Variants in RASGRF2 observed in about 807,000 individuals in gnomAD.
RASGRF2 encodes the protein ras-specific guanine nucleotide-releasing factor 2.
RASGRF2 carries 76 observed loss-of-function variants against 151.0 expected under a neutral mutation model. The ratio of observed to expected loss-of-function variants is 0.50; its 90% CI spans 0.42 to 0.61. The LOEUF (loss-of-function observed/expected upper bound fraction) is 0.61. Ranked by LOEUF, RASGRF2 falls within the 20% of genes least tolerant of loss-of-function variation. The probability of loss-of-function intolerance (pLI) is 0.00; values close to 1 mark genes in which losing one functional copy is unlikely to be tolerated. For synonymous variants in RASGRF2, 504 were observed against 566.5 expected, an observed-to-expected ratio of 0.89 and a Z score of 1.57; for missense variants, 1,148 against 1,564.6, an observed-to-expected ratio of 0.73 and a Z score of 4.49.
At chr5:80,961,147 C>T (rs899960375) in intron 1 of RASGRF2, 121 bp downstream of exon 1, 24 of 1,153,954 alleles carry the variant, frequency 2.1e-5, no homozygotes, top group African/African-American at 7.8e-5. Context: ...TCCGAAATCC[C>T]CCCGCGTCAC....
chr5:81,201,388 T>C lies in RASGRF2; in HGVS notation c.2852T>C (p.Leu951Ser). Residue 951 changes from leucine (L) to serine (S), a missense_variant, in exon 19 of 27, where the codon TTG becomes TCG. Leu to Ser is a moderately radical substitution (Grantham distance 145, BLOSUM62 -2). Coordinates refer to ENST00000265080, the MANE Select transcript of RASGRF2 (RefSeq NM_006909.3). Reference sequence around the variant, plus strand: ...GTCCTAAATTTGCTAGAAGAAGTTTTGCGAGACCCAGACCTTCTTCCCCAA... The same window carrying C: ...GTCCTAAATTTGCTAGAAGAAGTTTCGCGAGACCCAGACCTTCTTCCCCAA... Reference protein sequence around the residue: ...MNVLNLLEEVLRDPDLLPQER... With the variant: ...MNVLNLLEEVSRDPDLLPQER... 6.2e-7 allele frequency: 1 copy of C among 1,614,050 alleles called. No individual in the cohort carries two copies. The highest frequency in any genetic ancestry group is 8.5e-7 in the Non-Finnish European group (1 of 1,179,992).
chr5:81,086,803 C>G (rs1341682361), intron 8 of RASGRF2, 32 bp from the exon 9 acceptor site: 1 of 1,549,412 alleles, frequency 6.5e-7, no homozygotes, highest in African/African-American at 1.4e-5. Context: ...GAAAATCTCT[C>G]TTACTGTGAT....
Position 81,166,977 on chromosome 5 carries a change from T to A in RASGRF2, c.2687-13198T>A, listed in dbSNP as rs989189096. Among the ~76,000 whole-genome samples the A allele has an allele frequency of 6.6e-5, 10 of 152,262 alleles. No individual in the cohort carries two copies. The South Asian group carries it at 8.3e-4, about 13-fold the overall frequency. On this transcript the variant is annotated intron_variant, in intron 17 of 26. Coordinates refer to ENST00000265080, the MANE Select transcript of RASGRF2 (RefSeq NM_006909.3). Reference sequence around the variant, plus strand: ...AGAGAGCTTTTGAAAGAAGGGAAATTAGGGTGTCTCCTGATCCCCCTCATG... The same window carrying A: ...AGAGAGCTTTTGAAAGAAGGGAAATAAGGGTGTCTCCTGATCCCCCTCATG...
intron 1 of RASGRF2, among the ~76,000 whole-genome samples, chr5:81,021,149 G>C (rs1170154654): frequency 1.3e-5 from 2 of 152,182 alleles, no homozygotes; most frequent in Non-Finnish European, 2.9e-5. Context: ...AGTTTGTGAA[G>C]GGCGCTTGCA....
intron 1 of RASGRF2, among the ~76,000 whole-genome samples, chr5:81,006,169 A>G (rs1749263204): frequency 6.6e-6 from 1 of 152,146 alleles, no homozygotes; most frequent in Non-Finnish European, 1.5e-5. Context: ...AACCTTACTC[A>G]AATTTGTATT....
At chr5:81,048,265 T>G (rs150526205) in intron 2 of RASGRF2, among the ~76,000 whole-genome samples, 227 of 152,306 alleles carry the variant, frequency 1.5e-3, no homozygotes, top group African/African-American at 5.3e-3. Flanking sequence ...AAAATGTGGA[T>G]TTTGTTCATT....
chr5:81,068,377 T>C (rs968161047), intron 3 of RASGRF2, among the ~76,000 whole-genome samples, 198 bp downstream of exon 3: 5 of 141,584 alleles, frequency 3.5e-5, no homozygotes, highest in African/African-American at 1.0e-4. Flanking sequence ...CAGGAACATA[T>C]CAGGATAATG....
At chr5:81,223,978 T>C (rs1184297253) in intron 26 of RASGRF2, among the ~76,000 whole-genome samples, 1 of 152,240 alleles carries the variant, frequency 6.6e-6, no homozygotes, top group Non-Finnish European at 1.5e-5. Context: ...AAAGCCAAGC[T>C]TGATAAAGTT....
rs551341880 is a variant in RASGRF2 at position 81,162,158 on chromosome 5, G to T, written c.2687-18017G>T. Among the ~76,000 whole-genome samples the T allele has an allele frequency of 2.8e-3, 418 of 148,756 alleles. 4 individuals carry two copies. Among genetic ancestry groups the T allele is most frequent in the African/African-American group, 8.8e-3 (353 of 40,144 alleles). On this transcript the variant is annotated intron_variant, in intron 17 of 26. Coordinates refer to ENST00000265080, the MANE Select transcript of RASGRF2 (RefSeq NM_006909.3). ...GAAGCCTCTGCACAAATTCTCCTTT[G>T]CTCTGCTGGAATTTCTTTTTCTTTT...
chr5:81,186,075 T>C (rs1022446704), intron 18 of RASGRF2, among the ~76,000 whole-genome samples: 8 of 152,234 alleles, frequency 5.3e-5, no homozygotes, highest in Non-Finnish European at 4.4e-5. Flanking sequence ...TCAGCTGTTA[T>C]ATTTCTAACT....
chr5:81,225,094 T>G (rs976889925), intron 26 of RASGRF2, among the ~76,000 whole-genome samples: 2 of 152,226 alleles, frequency 1.3e-5, no homozygotes, highest in African/African-American at 4.8e-5. Flanking sequence ...TTCCTTTCCT[T>G]TCACTTCTGA....
At chr5:81,131,100 T>G (rs1252705410) in intron 17 of RASGRF2, among the ~76,000 whole-genome samples, 1 of 152,234 alleles carries the variant, frequency 6.6e-6, no homozygotes, top group East Asian at 1.9e-4. Context: ...ATTTGTATAT[T>G]AAACCATGTC....
In RASGRF2 at chr5:80,976,401, A is replaced by T. The variant is rs151116600; in HGVS notation, c.288+15375A>T. Among the ~76,000 whole-genome samples the T allele has an allele frequency of 1.4e-4, 22 of 152,356 alleles. No individual in the cohort carries two copies. In the East Asian group the frequency reaches 3.7e-3, roughly 25 times the overall value. ...CTTTACGAAATGGCAAACCTGGTTA[A>T]TAGAACCAAAATTAATAACAGCATT... On this transcript the variant is annotated intron_variant, in intron 1 of 26. Transcript: ENST00000265080.
intron 1 of RASGRF2, among the ~76,000 whole-genome samples, chr5:80,987,714 A>G (rs1748516960): frequency 6.6e-6 from 1 of 152,198 alleles, no homozygotes; most frequent in South Asian, 2.1e-4. Flanking sequence ...ATTCTTCGTT[A>G]AAGAAAACCA....
intron 12 of RASGRF2, among the ~76,000 whole-genome samples, chr5:81,097,471 G>T (rs1752579785): frequency 6.6e-6 from 1 of 152,008 alleles, no homozygotes; most frequent in South Asian, 2.1e-4. Context: ...TCTAATTTGG[G>T]GAAGACCAAA....
intron 13 of RASGRF2, among the ~76,000 whole-genome samples, chr5:81,111,092 A>G (rs1752979818): frequency 6.6e-6 from 1 of 152,228 alleles, no homozygotes; most frequent in Non-Finnish European, 1.5e-5. Flanking sequence ...AAGAAAATAG[A>G]TATATAATTT....
At chr5:81,055,379 GATA>G (rs1362218987) in intron 2 of RASGRF2, among the ~76,000 whole-genome samples, 1 of 152,180 alleles carries the variant, frequency 6.6e-6, no homozygotes, top group African/African-American at 2.4e-5. Context: ...GATCTATTGA[GATA>G]ATCATGTGGT....
chr5:81,145,395 G>A (rs140250404), intron 17 of RASGRF2, among the ~76,000 whole-genome samples: 1 of 152,252 alleles, frequency 6.6e-6, no homozygotes, highest in African/African-American at 2.4e-5. Flanking sequence ...TCTCTTGCAT[G>A]GTCTGGTGGT....
intron 1 of RASGRF2, among the ~76,000 whole-genome samples, chr5:81,035,461 G>A (rs556623114): frequency 5.5e-4 from 84 of 152,052 alleles, no homozygotes; most frequent in Non-Finnish European, 1.1e-3. Context: ...AGGGCCTGTC[G>A]TGGGGTGGGG....
Sources: allele counts gnomAD v4.1 joint callset (sites outside exome capture counted in the v4.1 genomes callset), GRCh38; gene constraint gnomAD v4.1.1; transcripts MANE v1.5; gene names NCBI Gene and HGNC (gene_info 2026-07-23, HGNC 2026-07-21).